Variants in PIK3C2G observed in about 807,000 individuals in gnomAD.
PIK3C2G encodes the protein phosphatidylinositol-4-phosphate 3-kinase catalytic subunit type 2 gamma.
In PIK3C2G, 168 loss-of-function variants were observed where a neutral mutation model predicts 181.1. The ratio of observed to expected loss-of-function variants is 0.93; its 90% confidence interval spans 0.82 to 1.05. The LOEUF is 1.05. Among genes scored for constraint, PIK3C2G ranks in the 50% least tolerant of loss-of-function variants. PIK3C2G has a pLI of 0.00. For synonymous variants in PIK3C2G, 573 were observed against 592.2 expected (o/e 0.97, Z 0.47); for missense variants, 1,869 against 1,732.8 (o/e 1.08, Z -1.40).
chr12:18,642,033 G>A (rs1358949881), intron 32 of PIK3C2G, among the ~76,000 whole-genome samples: 1 of 152,140 alleles, frequency 6.6e-6, no homozygotes, highest in African/African-American at 2.4e-5. Flanking sequence ...ACAGGCGTGA[G>A]CCACCATGCC....
intron 30 of PIK3C2G, among the ~76,000 whole-genome samples, chr12:18,608,421 G>T (rs1948165218): frequency 1.3e-5 from 2 of 151,970 alleles, no homozygotes; most frequent in South Asian, 4.2e-4. Flanking sequence ...CATGGATGAA[G>T]CTGGAAACCA....
intron 25 of PIK3C2G, 63 bp from the exon 26 acceptor site, chr12:18,546,260 G>A: frequency 1.0e-6 from 1 of 980,060 alleles, no homozygotes; most frequent in Non-Finnish European, 1.6e-6. Context: ...AATCAAGTAA[G>A]CTTGATTGTA....
intron 11 of PIK3C2G, among the ~76,000 whole-genome samples, chr12:18,353,034 C>T (rs1940378348): frequency 6.6e-6 from 1 of 152,170 alleles, no homozygotes; most frequent in South Asian, 2.1e-4. Context: ...TGCATGTTCT[C>T]ACTTTGGGCC....
chr12:18,580,140 A>T (rs952607485), intron 29 of PIK3C2G, among the ~76,000 whole-genome samples: 2 of 152,100 alleles, frequency 1.3e-5, no homozygotes, highest in African/African-American at 4.8e-5. Flanking sequence ...TCAAAAAAAA[A>T]AAAAAGAGAG....
intron 16 of PIK3C2G, among the ~76,000 whole-genome samples, chr12:18,409,637 G>C (rs990852629): frequency 1.3e-5 from 2 of 152,166 alleles, no homozygotes; most frequent in Admixed American, 6.5e-5. Flanking sequence ...TCGGAAGGTG[G>C]CAGCAATGAT....
chr12:18,379,218 C>A (rs930405475), intron 13 of PIK3C2G, among the ~76,000 whole-genome samples: 11 of 151,930 alleles, frequency 7.2e-5, no homozygotes, highest in Non-Finnish European at 1.3e-4. Context: ...TTTGTAGGGA[C>A]ATGGATGAAG....
chr12:18,716,006 G>T, the PIK3C2G span, among the ~76,000 whole-genome samples: 1 of 152,104 alleles, frequency 6.6e-6, no homozygotes, highest in Non-Finnish European at 1.5e-5. Context: ...TCTAAATTCG[G>T]CTACATTTGT....
At chr12:18,247,872 CT>C (rs1948056559) in exon 1 of PIK3C2G, 1 of 152,154 alleles carries the variant, frequency 6.6e-6, no homozygotes, top group Non-Finnish European at 1.5e-5. Flanking sequence ...TTTGGGACTG[CT>C]TTTCATTAAA....
chr12:18,694,979 T>G, the PIK3C2G span: 1 of 1,609,426 alleles, frequency 6.2e-7, no homozygotes, highest in Non-Finnish European at 8.5e-7. Flanking sequence ...TACTCTCTCT[T>G]AAGAAATGTG....
At chr12:18,262,279 A>C (rs557694846) in intron 1 of PIK3C2G, among the ~76,000 whole-genome samples, 2 of 152,108 alleles carry the variant, frequency 1.3e-5, no homozygotes, top group Non-Finnish European at 2.9e-5. Context: ...GTTAGAGATA[A>C]GATATACCCC....
the PIK3C2G span, among the ~76,000 whole-genome samples, chr12:18,659,585 A>C: frequency 6.6e-6 from 1 of 151,796 alleles, no homozygotes; most frequent in Non-Finnish European, 1.5e-5. Context: ...TAGTGAAAGG[A>C]TATCCACATT....
At chr12:18,359,646 A>G (rs1017729117) in intron 11 of PIK3C2G, among the ~76,000 whole-genome samples, 2 of 152,072 alleles carry the variant, frequency 1.3e-5, no homozygotes, top group Non-Finnish European at 2.9e-5. Context: ...TTGGGTACAG[A>G]TATATTTAAA....
chr12:18,397,265 C>T (rs1352255304), intron 15 of PIK3C2G, among the ~76,000 whole-genome samples: 1 of 151,712 alleles, frequency 6.6e-6, no homozygotes, highest in Non-Finnish European at 1.5e-5. Context: ...TTTTCTTAAA[C>T]AAATAAAGAA....
intron 29 of PIK3C2G, among the ~76,000 whole-genome samples, chr12:18,582,618 C>T (rs560003543): frequency 6.6e-6 from 1 of 152,240 alleles, no homozygotes; most frequent in African/African-American, 2.4e-5. Flanking sequence ...TGTGCAGGCT[C>T]CGCTTCCACA....
intron 32 of PIK3C2G, among the ~76,000 whole-genome samples, chr12:18,642,562 G>A (rs1949895605): frequency 6.6e-6 from 1 of 152,034 alleles, no homozygotes; most frequent in Non-Finnish European, 1.5e-5. Flanking sequence ...GCCCTTCTCT[G>A]CCTGCTTTGA....
intron 18 of PIK3C2G, among the ~76,000 whole-genome samples, chr12:18,429,562 C>T (rs899379554): frequency 6.6e-6 from 1 of 152,116 alleles, no homozygotes; most frequent in Admixed American, 6.6e-5. Context: ...CATCATATCA[C>T]ACTCCCTTGA....
At chr12:18,701,847 G>C in the PIK3C2G span, 19 of 1,535,192 alleles carry the variant, frequency 1.2e-5, no homozygotes, top group Non-Finnish European at 1.7e-5. Flanking sequence ...TCACTGAAAA[G>C]TGTTTCACTA....
rs78930490 is a variant in PIK3C2G, at chr12:18,328,877, A to C, written c.1272+3779A>C. 3.9e-5 allele frequency among the ~76,000 whole-genome samples: 6 copies of C among 152,112 alleles called. No individual in the cohort carries two copies. In the East Asian group the frequency reaches 1.2e-3, roughly 29 times the overall value. On this transcript the variant is annotated intron_variant, in intron 8 of 32. Transcript: ENST00000538779. ...AAAATTGATTTGCATTCAGAATAGA[A>C]CATAAGTAAAGGTGGGAAATGAGCA...
chr12:18,595,379 C>G (rs2136498894), intron 30 of PIK3C2G, among the ~76,000 whole-genome samples: 1 of 152,052 alleles, frequency 6.6e-6, no homozygotes, highest in East Asian at 1.9e-4. Context: ...GTTGGTTAAC[C>G]TAGGAAAACA....
Sources: allele counts gnomAD v4.1 joint callset (sites outside exome capture counted in the v4.1 genomes callset), GRCh38; gene constraint gnomAD v4.1.1; transcripts MANE v1.5; gene names NCBI Gene and HGNC (gene_info 2026-07-23, HGNC 2026-07-21).